Variants in CCND3 observed in about 807,000 individuals in gnomAD.
CCND3 encodes the protein cyclin D3.
CCND3 carries 9 observed loss-of-function variants against 28.7 expected under a neutral mutation model. The observed-to-expected ratio is 0.31, with a 90% confidence interval of 0.19 to 0.55. The LOEUF (loss-of-function observed/expected upper bound fraction) is 0.55, where lower values mean the gene tolerates loss of function less well. Among genes scored for constraint, CCND3 ranks in the 20% least tolerant of loss-of-function variants. The pLI is 0.93. For synonymous variants in CCND3, 164 were observed against 163.9 expected, an observed-to-expected ratio of 1.00 and a Z score of 0.00; for missense variants, 315 against 385.8, an observed-to-expected ratio of 0.82 and a Z score of 1.54.
chr6:42,002,674 A>G (rs2127422689), intron 1 of CCND3, among the ~76,000 whole-genome samples: 1 of 151,132 alleles, frequency 6.6e-6, no homozygotes, highest in Non-Finnish European at 1.5e-5. Context: ...AACGTGGTGA[A>G]ATACCATGTC....
Position 41,936,592 on chromosome 6 carries a change from T to C in CCND3, c.678A>G (p.Thr226=). The change falls in exon 4 of 5, where the codon ACA becomes ACG. Residue 226 remains threonine (T), a synonymous_variant. Coordinates refer to ENST00000372991, the MANE Select transcript of CCND3 (RefSeq NM_001760.5). The surrounding 1 kb of genome is among the most constrained non-coding windows in gnomAD (Gnocchi z 4.4). ...TGCCAGTGATCCCTGCCAGCAGCTC[T>C]GTGAGCTCATCCCCGGACATGGAGC... ...GACSMSGDEL[T]ELLAGITGTE... 1 of 1,614,196 alleles carries C rather than the reference T, an allele frequency of 6.2e-7. No homozygotes were observed. Among genetic ancestry groups the C allele is most frequent in the Non-Finnish European group, 8.5e-7 (1 of 1,180,014 alleles).
chr6:41,969,764 A>G (rs190495545), intron 1 of CCND3, among the ~76,000 whole-genome samples: 4 of 152,210 alleles, frequency 2.6e-5, no homozygotes, highest in African/African-American at 9.6e-5. Flanking sequence ...AAAAAAAGCA[A>G]AACAGAATTT....
intron 1 of CCND3, 136 bp from the exon 2 acceptor site, chr6:41,940,721 A>G (rs1775975920): frequency 2.7e-6 from 2 of 754,356 alleles, no homozygotes; most frequent in East Asian, 5.3e-5. Flanking sequence ...GACAAGGACC[A>G]ATAAAGGAGG....
intron 1 of CCND3, among the ~76,000 whole-genome samples, chr6:41,953,430 C>T (rs577236074): frequency 6.6e-6 from 1 of 152,152 alleles, no homozygotes; most frequent in African/African-American, 2.4e-5. Flanking sequence ...TAGAGGGTGG[C>T]TCTAGGACTG....
chr6:41,982,565 G>A (rs1009884192), intron 1 of CCND3, among the ~76,000 whole-genome samples: 4 of 152,092 alleles, frequency 2.6e-5, no homozygotes, highest in Non-Finnish European at 4.4e-5. Flanking sequence ...GATTTTGCAG[G>A]TAGTGACAAA....
rs371330142 is a variant in CCND3 at position 42,030,712 on chromosome 6, A to G, written c.-46+17789T>C. 3.9e-5 allele frequency among the ~76,000 whole-genome samples: 6 copies of G among 152,166 alleles called. No individual in the cohort carries two copies. In the East Asian group the frequency reaches 9.6e-4, roughly 24 times the overall value. ...CCAGGGGAGAGTCTGAGGGTGGCCCAGCCCGGCAGGTGGAGTCCAGCCTGG... is the reference window on the plus strand; with the variant it reads ...CCAGGGGAGAGTCTGAGGGTGGCCCGGCCCGGCAGGTGGAGTCCAGCCTGG... On this transcript the variant is annotated intron_variant, in intron 1 of 4. Transcript: ENST00000372988.
intron 1 of CCND3, chr6:42,031,363 G>C (rs1040301907): frequency 1.3e-4 from 20 of 152,202 alleles, no homozygotes; most frequent in African/African-American, 4.8e-4. Flanking sequence ...AACTTTACTG[G>C]TGGCCCAGGA....
At chr6:42,023,692 A>C (rs1329178146) in intron 1 of CCND3, among the ~76,000 whole-genome samples, 2 of 110,870 alleles carry the variant, frequency 1.8e-5, no homozygotes, top group Non-Finnish European at 3.6e-5. Context: ...GTATCTACTC[A>C]TCCATCCGCC....
At chr6:41,943,728 T>C (rs1267023383), upstream of CCND3, among the ~76,000 whole-genome samples, 1 of 152,226 alleles carries the variant, frequency 6.6e-6, no homozygotes, top group Non-Finnish European at 1.5e-5. Flanking sequence ...AAACCAATCT[T>C]TTCCACCATC....
Position 42,037,963 on chromosome 6 carries a change from G to A in CCND3, c.-46+10538C>T, listed in dbSNP as rs191670850. Among the ~76,000 whole-genome samples the A allele has an allele frequency of 1.3e-4, 20 of 151,172 alleles. No individual in the cohort carries two copies. The East Asian group carries it at 2.7e-3, about 21-fold the overall frequency. ...CGAGAATCGCTTGAACCCGGGAGGC[G>A]GAGGTTGCAGTGAGCCGAGATTGCG... On this transcript the variant is annotated intron_variant, in intron 1 of 4. Transcript: ENST00000372988.
chr6:42,027,495 T>C (rs1763913197), intron 1 of CCND3, among the ~76,000 whole-genome samples: 1 of 151,406 alleles, frequency 6.6e-6, no homozygotes, highest in Non-Finnish European at 1.5e-5. Flanking sequence ...CCAAATGAGG[T>C]TGGAGGTGAA....
At chr6:41,946,273 T>A (rs1776165494), upstream of CCND3, among the ~76,000 whole-genome samples, 1 of 151,934 alleles carries the variant, frequency 6.6e-6, no homozygotes, top group South Asian at 2.1e-4. Context: ...AACCCTTTTT[T>A]AAAAAGTTAG....
intron 1 of CCND3, among the ~76,000 whole-genome samples, chr6:42,013,153 C>T (rs1461487562): frequency 6.6e-6 from 1 of 152,134 alleles, no homozygotes; most frequent in African/African-American, 2.4e-5. Context: ...AGTGTAAATG[C>T]AGTGCCCCAG....
intron 1 of CCND3, among the ~76,000 whole-genome samples, chr6:41,952,379 C>A (rs1389245992): frequency 1.3e-5 from 2 of 152,152 alleles, no homozygotes; most frequent in African/African-American, 4.8e-5. Context: ...TTATTGTTAA[C>A]CATGGTGGAC....
chr6:41,967,481 C>T (rs1472457434), intron 1 of CCND3, among the ~76,000 whole-genome samples: 2 of 152,184 alleles, frequency 1.3e-5, no homozygotes, highest in Non-Finnish European at 2.9e-5. Flanking sequence ...GGAGCTGGGC[C>T]AGGACATATC....
upstream of CCND3, among the ~76,000 whole-genome samples, chr6:41,945,126 T>C (rs9918454): frequency 7.7e-3 from 1,172 of 152,088 alleles, 17 homozygotes; most frequent in African/African-American, 0.027. Context: ...AAATGGCAAA[T>C]TGGAGGAGGG....
chr6:41,960,321 G>A (rs1026733979), intron 1 of CCND3, among the ~76,000 whole-genome samples: 1 of 152,194 alleles, frequency 6.6e-6, no homozygotes, highest in Admixed American at 6.5e-5. Flanking sequence ...TATGGTAGTA[G>A]CTACATAGCT....
intron 1 of CCND3, among the ~76,000 whole-genome samples, chr6:41,953,349 T>C (rs1359705589): frequency 6.6e-6 from 1 of 151,534 alleles, no homozygotes; most frequent in Non-Finnish European, 1.5e-5. Flanking sequence ...CAACTATATA[T>C]ACACAACTGG....
At chr6:42,040,386 C>G (rs1204183809) in intron 1 of CCND3, among the ~76,000 whole-genome samples, 2 of 151,928 alleles carry the variant, frequency 1.3e-5, no homozygotes, top group African/African-American at 4.8e-5. Flanking sequence ...CCATTGCACT[C>G]CAGCCTGGGC....
Sources: gnomAD v4.1 joint callset for allele counts (sites outside exome capture counted in the v4.1 genomes callset) on GRCh38, gnomAD v4.1.1 for gene constraint, Gnocchi (gnomAD v3.1) non-coding constraint, MANE v1.5 for transcripts, NCBI Gene and HGNC (gene_info 2026-07-23, HGNC 2026-07-21) for gene names.